Variants in CADPS2 observed in about 807,000 individuals in gnomAD.
CADPS2 encodes the protein calcium dependent secretion activator 2.
A neutral mutation model predicts 172.5 loss-of-function variants in CADPS2; 93 were observed. The ratio of observed to expected loss-of-function variants is 0.54; its 90% CI spans 0.46 to 0.64. CADPS2 has a LOEUF of 0.64. CADPS2 is among the 30% of genes least tolerant of loss of function. CADPS2 has a pLI of 0.00. For synonymous variants in CADPS2, 546 were observed against 555.2 expected, an observed-to-expected ratio of 0.98 and a Z score of 0.23; for missense variants, 1,420 against 1,565.9, an observed-to-expected ratio of 0.91 and a Z score of 1.57.
At chr7:122,378,323 T>C (rs963983003) in intron 25 of CADPS2, among the ~76,000 whole-genome samples, 14 of 152,162 alleles carry the variant, frequency 9.2e-5, no homozygotes, top group Non-Finnish European at 1.8e-4. Flanking sequence ...ATTTCCAAAC[T>C]ATTTTCCAGA....
chr7:122,741,602 A>G (rs1053975610), intron 1 of CADPS2, among the ~76,000 whole-genome samples: 4 of 152,160 alleles, frequency 2.6e-5, no homozygotes, highest in African/African-American at 7.2e-5. Context: ...AATCTTGAGG[A>G]TTTCAAAAAG....
rs182521791 is a variant in CADPS2, at chr7:122,817,069, T to C, written c.339+68930A>G. Among the ~76,000 whole-genome samples, 464 of 151,648 alleles carry C rather than the reference T, an allele frequency of 3.1e-3. 4 individuals carry two copies. Among genetic ancestry groups the C allele is most frequent in the Non-Finnish European group, 2.7e-3 (186 of 68,006 alleles). ...TAAAACGGCCCCACCCATATCTCCC[T>C]TCGCTAACTCTCTTTTCAGACTCAG... is the stretch of plus-strand genomic sequence containing the variant. On this transcript the variant is annotated intron_variant, in intron 1 of 29. Transcript: ENST00000449022.
At position 122,812,877 on chromosome 7, in the gene CADPS2, C is replaced by T. The variant is rs539058769; in HGVS notation, c.339+73122G>A. Among the ~76,000 whole-genome samples, 3 of 152,248 alleles carry T rather than the reference C, an allele frequency of 2.0e-5. No homozygotes were observed. In the South Asian group the frequency reaches 6.2e-4, roughly 32 times the overall value. ...AGTAACTACAGTGCACTAGTACAAA[C>T]TTACTCTACAGAACCAACATTACTG... On this transcript the variant is annotated intron_variant, in intron 1 of 29. Coordinates refer to ENST00000449022, the MANE Select transcript of CADPS2 (RefSeq NM_017954.11).
chr7:122,769,127 T>G (rs940920130), intron 1 of CADPS2, among the ~76,000 whole-genome samples: 3 of 152,250 alleles, frequency 2.0e-5, no homozygotes, highest in East Asian at 3.8e-4. Flanking sequence ...AGTAATGTTC[T>G]GCTTTTTTAC....
At chr7:122,616,602 C>T (rs2074953650) in intron 5 of CADPS2, among the ~76,000 whole-genome samples, 2 of 152,098 alleles carry the variant, frequency 1.3e-5, no homozygotes, top group East Asian at 3.8e-4. Flanking sequence ...TTGTCATTTT[C>T]TCACATGGAA....
chr7:122,363,632 C>T (rs2040474798), intron 25 of CADPS2, among the ~76,000 whole-genome samples: 1 of 151,832 alleles, frequency 6.6e-6, no homozygotes, highest in Non-Finnish European at 1.5e-5. Flanking sequence ...CATTGTACTT[C>T]TCAGTAAAGT....
intron 2 of CADPS2, among the ~76,000 whole-genome samples, chr7:122,720,575 T>C (rs533367100): frequency 6.0e-5 from 9 of 150,612 alleles, no homozygotes; most frequent in Admixed American, 2.0e-4. Context: ...TGTATATACA[T>C]ACACATGTAT....
intron 1 of CADPS2, among the ~76,000 whole-genome samples, chr7:122,815,050 T>C (rs1445939160): frequency 6.6e-6 from 1 of 152,090 alleles, no homozygotes; most frequent in South Asian, 2.1e-4. Context: ...AGCAGCAGCA[T>C]GCAGTTTTAT....
chr7:122,740,785 T>C (rs932993455), intron 1 of CADPS2, among the ~76,000 whole-genome samples: 1 of 152,130 alleles, frequency 6.6e-6, no homozygotes, highest in Non-Finnish European at 1.5e-5. Context: ...AGTTCATTTC[T>C]AACCATATAG....
chr7:122,340,469 C>T (rs998359050), intron 28 of CADPS2, among the ~76,000 whole-genome samples: 1 of 152,132 alleles, frequency 6.6e-6, no homozygotes, highest in Non-Finnish European at 1.5e-5. Flanking sequence ...AAATAAGATG[C>T]GCTTCAGTCA....
intron 1 of CADPS2, among the ~76,000 whole-genome samples, chr7:122,766,276 A>G (rs538377258): frequency 1.3e-5 from 2 of 152,252 alleles, no homozygotes; most frequent in East Asian, 3.9e-4. Flanking sequence ...AACTTTGGGA[A>G]TCAAATTTCA....
intron 2 of CADPS2, among the ~76,000 whole-genome samples, chr7:122,723,035 T>G (rs1229282977): frequency 6.6e-6 from 1 of 152,082 alleles, no homozygotes; most frequent in Non-Finnish European, 1.5e-5. Context: ...TAATTCAAGA[T>G]GGATTAAAGA....
At chr7:122,646,953 C>G (rs1379315987) in intron 3 of CADPS2, among the ~76,000 whole-genome samples, 3 of 151,778 alleles carry the variant, frequency 2.0e-5, no homozygotes, top group Non-Finnish European at 4.4e-5. Flanking sequence ...TGGAGTAATT[C>G]AGTTGGAAAG....
At chr7:122,463,351 G>A (rs563774565) in intron 14 of CADPS2, among the ~76,000 whole-genome samples, 2 of 150,560 alleles carry the variant, frequency 1.3e-5, no homozygotes, top group Admixed American at 6.6e-5. Context: ...GTGGAGTCTC[G>A]CTCTGTTGCC....
At chr7:122,574,205 G>A (rs539328862) in intron 7 of CADPS2, among the ~76,000 whole-genome samples, 112 of 151,956 alleles carry the variant, frequency 7.4e-4, no homozygotes, top group Non-Finnish European at 1.3e-3. Context: ...AAGCAATCTG[G>A]GGGGCTGAGG....
In CADPS2 at chr7:122,447,543, A is replaced by ATTTTTTTTTTTTTTTTTTTTTTT. The variant is rs1159112244; in HGVS notation, c.2288+3808_2288+3830dup. The stretch of plus-strand genomic sequence containing the variant: ...CCATGTTGATTTCTTGTTTCGGGGA[A>ATTTTTTTTTTTTTTTTTTTTTTT]TTTTTTTTTTTTTTTTTTTTTTTTT... On this transcript the variant is annotated intron_variant, in intron 15 of 29. Coordinates refer to ENST00000449022, the MANE Select transcript of CADPS2 (RefSeq NM_017954.11). Among the ~76,000 whole-genome samples, 217 of 89,788 alleles carry ATTTTTTTTTTTTTTTTTTTTTTT rather than the reference A, an allele frequency of 2.4e-3. 36 individuals carry two copies. Among genetic ancestry groups the ATTTTTTTTTTTTTTTTTTTTTTT allele is most frequent in the East Asian group, 6.6e-3 (17 of 2,592 alleles). 58.9% of individuals were successfully genotyped at this position (89,788 alleles called of 152,430 possible).
intron 1 of CADPS2, among the ~76,000 whole-genome samples, chr7:122,884,539 A>C (rs541342638): frequency 6.6e-6 from 1 of 152,190 alleles, no homozygotes; most frequent in African/African-American, 2.4e-5. Context: ...CTGTGACTGA[A>C]TACCTAGGGT....
chr7:122,575,832 C>T (rs566360456), intron 7 of CADPS2, among the ~76,000 whole-genome samples: 1 of 152,010 alleles, frequency 6.6e-6, no homozygotes. Context: ...ACACTATAGA[C>T]GTTTTACGTT....
At position 122,476,436 on chromosome 7, in the gene CADPS2, T is replaced by TA. The variant is rs199829329; in HGVS notation, c.1862-1920dup. Among the ~76,000 whole-genome samples, 742 of 152,184 alleles carry TA rather than the reference T, an allele frequency of 4.9e-3. 6 individuals are homozygous for TA. The highest frequency in any genetic ancestry group is 0.016 in the African/African-American group (684 of 41,560). Reference sequence around the variant, plus strand: ...AAAAAATGGGCATACAAACTTTAAATAAAAAATGTTTCTGAAAAACGATCT... The same window carrying TA: ...AAAAAATGGGCATACAAACTTTAAATAAAAAAATGTTTCTGAAAAACGATCT... On this transcript the variant is annotated intron_variant, in intron 12 of 29. Transcript: ENST00000449022.
Sources: gnomAD v4.1 joint callset for allele counts (sites outside exome capture counted in the v4.1 genomes callset) on GRCh38, gnomAD v4.1.1 for gene constraint, MANE v1.5 for transcripts, NCBI Gene and HGNC (gene_info 2026-07-23, HGNC 2026-07-21) for gene names.